Variants in CDC14A observed in about 807,000 individuals in gnomAD.
CDC14A encodes the protein dual specificity protein phosphatase CDC14A.
CDC14A carries 53 observed loss-of-function variants against 74.4 expected under a neutral mutation model. That is an observed-to-expected ratio of 0.71 (90% CI 0.57 to 0.89). The LOEUF is 0.89. CDC14A is among the 40% of genes least tolerant of loss of function. The pLI is 0.00. For synonymous variants in CDC14A, 247 were observed against 258.4 expected, an observed-to-expected ratio of 0.96 and a Z score of 0.43; for missense variants, 646 against 713.7, an observed-to-expected ratio of 0.91 and a Z score of 1.08.
At chr1:100,362,279 C>T (rs1468959324) in intron 2 of CDC14A, among the ~76,000 whole-genome samples, 3 of 152,010 alleles carry the variant, frequency 2.0e-5, no homozygotes, top group Non-Finnish European at 2.9e-5. Flanking sequence ...ATTTTTTATA[C>T]TGAATTGTGA....
intron 7 of CDC14A, among the ~76,000 whole-genome samples, chr1:100,444,901 T>G (rs1665366228): frequency 1.3e-5 from 2 of 152,320 alleles, no homozygotes; most frequent in South Asian, 4.1e-4. Context: ...TTCCCAAAAT[T>G]AATACATTTA....
intron 4 of CDC14A, among the ~76,000 whole-genome samples, chr1:100,412,700 A>ATATATATATATATATATATATATTT (rs1303075478): frequency 3.2e-5 from 3 of 92,794 alleles, no homozygotes; most frequent in Non-Finnish European, 5.5e-5. Context: ...TATGTTTTAT[A>ATATATATATATATATATATATATTT]TATATATATA....
At chr1:100,429,725 T>A (rs1009038031) in intron 5 of CDC14A, among the ~76,000 whole-genome samples, 8 of 144,250 alleles carry the variant, frequency 5.5e-5, no homozygotes, top group African/African-American at 1.5e-4. Flanking sequence ...ATATATATAT[T>A]ATATATATAT....
At chr1:100,346,361 G>C (rs780166341) in intron 1 of CDC14A, among the ~76,000 whole-genome samples, 13 of 152,020 alleles carry the variant, frequency 8.6e-5, no homozygotes, top group African/African-American at 2.4e-5. Flanking sequence ...TGGGTGCGGT[G>C]GCTCCCACCT....
chr1:100,351,973 AGT>A (rs35169146), upstream of CDC14A, among the ~76,000 whole-genome samples: 48,106 of 145,910 alleles, frequency 0.33, 8,465 homozygotes, highest in East Asian at 0.44. Context: ...GGTTTTTACG[AGT>A]GTGTGTGTGT....
At chr1:100,366,231 AT>A (rs557270900) in intron 2 of CDC14A, among the ~76,000 whole-genome samples, 3 of 152,008 alleles carry the variant, frequency 2.0e-5, no homozygotes, top group Non-Finnish European at 2.9e-5. Flanking sequence ...AAAGCAGTTA[AT>A]TTTTTTTGTA....
intron 5 of CDC14A, among the ~76,000 whole-genome samples, chr1:100,425,767 A>T (rs1435409811): frequency 6.6e-6 from 1 of 152,222 alleles, no homozygotes; most frequent in Admixed American, 6.5e-5. Context: ...TCCACTTCTA[A>T]TGGCTCCTAT....
chr1:100,507,538 G>T (rs1489808855), intron 15 of CDC14A, among the ~76,000 whole-genome samples: 1 of 151,800 alleles, frequency 6.6e-6, no homozygotes, highest in Non-Finnish European at 1.5e-5. Context: ...GGCCTCAAGT[G>T]ATCCTCCTGC....
Position 100,508,647 on chromosome 1 carries a change from G to T in CDC14A, c.1755+9385G>T, listed in dbSNP as rs1649446013. Among the ~76,000 whole-genome samples, 1 of 152,180 alleles carries T rather than the reference G, an allele frequency of 6.6e-6. No individual in the cohort carries two copies. Among genetic ancestry groups the T allele is most frequent in the Non-Finnish European group, 1.5e-5 (1 of 68,032 alleles). On this transcript the variant is annotated intron_variant, in intron 15 of 15. Transcript: ENST00000336454. The surrounding 1 kb of genome is among the most constrained non-coding windows in gnomAD (Gnocchi z 4.4). ...CTCCCAGGCTTTCTTCTCAGGCAGG[G>T]ATGTGGCTCCATCTCAGCCCTGGCC...
intron 2 of CDC14A, 26 bp downstream of exon 2, chr1:100,353,878 CT>C (rs752624539): frequency 1.5e-6 from 2 of 1,330,478 alleles, no homozygotes; most frequent in Non-Finnish European, 2.1e-6. Flanking sequence ...GTTTTTTTTT[CT>C]CTTGGCCATT....
chr1:100,491,566 A>ATTTTT (rs1670667031), intron 11 of CDC14A, among the ~76,000 whole-genome samples: 1 of 80,832 alleles, frequency 1.2e-5, no homozygotes, highest in African/African-American at 5.9e-5. Context: ...ATATATATAT[A>ATTTTT]TATATATTTT....
At chr1:100,469,452 A>G (rs1394592823) in intron 10 of CDC14A, among the ~76,000 whole-genome samples, 1 of 152,140 alleles carries the variant, frequency 6.6e-6, no homozygotes, top group Non-Finnish European at 1.5e-5. Context: ...TAATTCTGTT[A>G]TTTTGGAGCT....
Position 100,353,764 on chromosome 1 carries a change from C to T in CDC14A, c.52C>T (p.Arg18Trp). 1.3e-6 allele frequency: 2 copies of T among 1,547,408 alleles called. No homozygotes were observed. The highest frequency in any genetic ancestry group is 2.2e-5 in the East Asian group (1 of 44,526). Residue 18 changes from arginine to tryptophan, a missense_variant and splice_region_variant, in exon 2 of 16, where the codon CGG (arginine) becomes TGG (tryptophan). Arg to Trp is a moderately radical substitution (Grantham distance 101). Coordinates refer to ENST00000336454, the MANE Select transcript of CDC14A (RefSeq NM_003672.4). ...LIGACEFMKD[R>W]LYFATLRNRP... ...TGTCTTTTAAACTTGTCTTTCAGAT[C>T]GGTTATATTTTGCTACTTTAAGGAA...
At chr1:100,478,387 A>G (rs1669130935) in intron 10 of CDC14A, among the ~76,000 whole-genome samples, 2 of 152,040 alleles carry the variant, frequency 1.3e-5, no homozygotes, top group South Asian at 2.1e-4. Flanking sequence ...TAGATAACCT[A>G]TATCACAGAT....
intron 4 of CDC14A, chr1:100,392,893 C>T (rs1012393167): frequency 6.9e-5 from 38 of 549,272 alleles, no homozygotes; most frequent in East Asian, 5.0e-4. Flanking sequence ...ATAGAATTAC[C>T]GCAGCAGCCC....
chr1:100,360,749 G>C (rs895357509), intron 2 of CDC14A, among the ~76,000 whole-genome samples: 29 of 152,120 alleles, frequency 1.9e-4, no homozygotes. Context: ...GTGTAGAGTT[G>C]ATCTCTAATC....
At chr1:100,352,418 G>A (rs1443332268), upstream of CDC14A, 73 of 984,902 alleles carry the variant, frequency 7.4e-5, no homozygotes, top group South Asian at 1.9e-3. Context: ...GGCTGAGGGA[G>A]GGCGGGGAGG....
intron 6 of CDC14A, among the ~76,000 whole-genome samples, chr1:100,442,387 T>C (rs1665047468): frequency 6.8e-6 from 1 of 146,778 alleles, no homozygotes; most frequent in South Asian, 2.1e-4. Context: ...ATATACTATA[T>C]ATTATATATA....
At chr1:100,459,120 C>CAGAG (rs1157099545) in intron 8 of CDC14A, among the ~76,000 whole-genome samples, 3 of 148,606 alleles carry the variant, frequency 2.0e-5, no homozygotes, top group African/African-American at 7.8e-5. Context: ...CACACACACA[C>CAGAG]ACACACAGAG....
Sources: gnomAD v4.1 joint callset for allele counts (sites outside exome capture counted in the v4.1 genomes callset) on GRCh38, gnomAD v4.1.1 for gene constraint, Gnocchi (gnomAD v3.1) non-coding constraint, MANE v1.5 for transcripts, NCBI Gene and HGNC (gene_info 2026-07-23, HGNC 2026-07-21) for gene names.